EFCAB12: variants seen among roughly 807,000 people sequenced by gnomAD.
EFCAB12 encodes EF-hand calcium binding domain 12.
Under a neutral mutation model 53.6 loss-of-function variants are expected in EFCAB12, and 43 were observed. The observed-to-expected ratio is 0.80, with a 90% CI of 0.63 to 1.03. The LOEUF (loss-of-function observed/expected upper bound fraction) is 1.03. Ranked by LOEUF, EFCAB12 falls within the 50% of genes least tolerant of loss-of-function variation. The probability of loss-of-function intolerance (pLI) is 0.00; values close to 1 mark genes in which losing one functional copy is unlikely to be tolerated. For missense variants in EFCAB12, 646 were observed against 730.6 expected (o/e 0.88, Z 1.34); for synonymous variants, 269 against 289.2 (o/e 0.93, Z 0.71).
intron 1 of EFCAB12, among the ~76,000 whole-genome samples, chr3:129,426,006 C>G (rs183921816): frequency 6.6e-6 from 1 of 152,350 alleles, no homozygotes; most frequent in African/African-American, 2.4e-5. Context: ...AGAAAACACA[C>G]TTGTTCTCTC....
intron 5 of EFCAB12, among the ~76,000 whole-genome samples, chr3:129,409,431 A>T (rs1385599072): frequency 6.6e-6 from 1 of 152,206 alleles, no homozygotes; most frequent in Non-Finnish European, 1.5e-5. Context: ...CAGTAGAGTG[A>T]GACTGTCTCA....
At chr3:129,424,835 C>T (rs1350856305) in intron 1 of EFCAB12, among the ~76,000 whole-genome samples, 2 of 152,226 alleles carry the variant, frequency 1.3e-5, no homozygotes, top group Non-Finnish European at 2.9e-5. Flanking sequence ...CACCTGTTCT[C>T]AGTCCACCCA....
rs1210304424 is a variant in EFCAB12 at position 129,402,569 on chromosome 3, T to C, written c.1414A>G (p.Lys472Glu). 1.2e-6 allele frequency: 2 copies of C among 1,612,942 alleles called. No homozygotes were observed. Among genetic ancestry groups the C allele is most frequent in the East Asian group, 2.2e-5 (1 of 44,876 alleles). ...TTAAAGCGCATTTTCTTGCTTTTCT[T>C]TGGCGTTTTCCTAGTGGAGAAGAGA... ...KSKRTDKKTPKKSKKMRFKEF... is the reference protein window; with the variant it reads ...KSKRTDKKTPEKSKKMRFKEF... The change falls in exon 8 of 9, where the codon AAG becomes GAG. Residue 472 changes from lysine to glutamate, a missense_variant. Lys to Glu is a moderately conservative substitution (Grantham distance 56). Transcript: ENST00000505956.
chr3:129,420,256 C>A (rs139481419), intron 2 of EFCAB12, among the ~76,000 whole-genome samples: 6 of 152,154 alleles, frequency 3.9e-5, no homozygotes, highest in Non-Finnish European at 8.8e-5. Flanking sequence ...TGCCCAATAG[C>A]GTCCTAGGCA....
At chr3:129,425,163 C>T (rs73865440) in intron 1 of EFCAB12, among the ~76,000 whole-genome samples, 1,897 of 152,278 alleles carry the variant, frequency 0.012, 29 homozygotes, top group African/African-American at 0.043. Flanking sequence ...CACGGGAACA[C>T]AAAACCTGCT....
chr3:129,426,042 T>C (rs2072266816), intron 1 of EFCAB12, among the ~76,000 whole-genome samples: 2 of 152,240 alleles, frequency 1.3e-5, no homozygotes, highest in African/African-American at 4.8e-5. Context: ...TATAGGTGTC[T>C]GGAAACAATT....
At chr3:129,411,495 A>G (rs1375303768) in intron 4 of EFCAB12, 141 bp from the exon 5 acceptor site, 1 of 713,838 alleles carries the variant, frequency 1.4e-6, no homozygotes, top group African/African-American at 1.8e-5. Context: ...GGCAGTGCCC[A>G]CCTAAGCCAC....
At chr3:129,425,709 T>C (rs34133319) in intron 1 of EFCAB12, among the ~76,000 whole-genome samples, 2 of 152,208 alleles carry the variant, frequency 1.3e-5, no homozygotes, top group Non-Finnish European at 1.5e-5. Context: ...AAAGAGGCTG[T>C]CATTGTGTAG....
At chr3:129,410,937 G>A (rs556001633) in intron 5 of EFCAB12, among the ~76,000 whole-genome samples, 11 of 152,296 alleles carry the variant, frequency 7.2e-5, no homozygotes, top group Middle Eastern at 3.4e-3. Context: ...AGAGGGGGAC[G>A]TGATAGTTTC....
At chr3:129,415,627 C>G (rs2072106151) in intron 3 of EFCAB12, among the ~76,000 whole-genome samples, 1 of 152,208 alleles carries the variant, frequency 6.6e-6, no homozygotes, top group South Asian at 2.1e-4. Context: ...TTCCCCTTCT[C>G]TGCCTGAAAA....
chr3:129,424,897 A>T (rs931021056), intron 1 of EFCAB12, among the ~76,000 whole-genome samples: 16 of 152,108 alleles, frequency 1.1e-4, no homozygotes, highest in African/African-American at 3.6e-4. Context: ...CAGTTGGGGG[A>T]GAAATGCTGA....
rs991228185 is a variant in EFCAB12 at position 129,428,502 on chromosome 3, G to A, written c.-14C>T. 6 of 1,610,764 alleles carry A rather than the reference G, an allele frequency of 3.7e-6. No individual in the cohort carries two copies. In the African/African-American group the frequency reaches 6.7e-5, roughly 18 times the overall value. On this transcript the variant is annotated 5_prime_UTR_variant, in exon 1 of 9. Coordinates refer to ENST00000505956, the MANE Select transcript of EFCAB12 (RefSeq NM_207307.3). Reference sequence around the variant, plus strand: ...GTCGTCGTCCATGGTCGTGGTGCTGGGAGGGGGTGCTGAAGGGCGTGTGTG... The same window carrying A: ...GTCGTCGTCCATGGTCGTGGTGCTGAGAGGGGGTGCTGAAGGGCGTGTGTG...
chr3:129,407,376 T>C (rs1434869276), intron 6 of EFCAB12, among the ~76,000 whole-genome samples: 1 of 152,200 alleles, frequency 6.6e-6, no homozygotes, highest in Non-Finnish European at 1.5e-5. Context: ...CCCTATAAAT[T>C]TAGCGCTTGT....
At chr3:129,409,463 G>A (rs187003974) in intron 5 of EFCAB12, among the ~76,000 whole-genome samples, 1 of 152,086 alleles carries the variant, frequency 6.6e-6, no homozygotes, top group African/African-American at 2.4e-5. Flanking sequence ...GAAAAGAAGA[G>A]AAGAAAAGAA....
intron 1 of EFCAB12, among the ~76,000 whole-genome samples, chr3:129,427,246 T>A (rs1470667849): frequency 6.6e-6 from 1 of 152,192 alleles, no homozygotes; most frequent in East Asian, 1.9e-4. Context: ...TGCCTCAGCT[T>A]CCCATAGTGC....
Position 129,421,701 on chromosome 3 carries a change from C to T in EFCAB12, c.152G>A (p.Arg51His), listed in dbSNP as rs79535854. The T allele has an allele frequency of 1.4e-5, 23 of 1,613,328 alleles. No homozygotes were observed. The highest frequency in any genetic ancestry group is 8.0e-5 in the African/African-American group (6 of 74,878). The change falls in exon 2 of 9, where the codon CGC becomes CAC. Residue 51 changes from arginine to histidine, a missense_variant. Coordinates refer to ENST00000505956, the MANE Select transcript of EFCAB12 (RefSeq NM_207307.3). The stretch of plus-strand genomic sequence containing the variant: ...GATTCGCCGGCGGGTCTGAGGCAGG[C>T]GGAAGTCCTTCTGCTGGAACTGCTT... ...CFKQFQQKDF[R>H]LPQTRRRIIM...
intron 6 of EFCAB12, among the ~76,000 whole-genome samples, chr3:129,404,636 G>A (rs186044743): frequency 1.2e-4 from 18 of 152,102 alleles, no homozygotes; most frequent in African/African-American, 4.1e-4. Flanking sequence ...CATGCATATA[G>A]CTGTAGTGTG....
rs762909275 is a variant in EFCAB12, at chr3:129,411,266, G to A, written c.927C>T (p.Asp309=). 1 of 1,613,634 alleles carries A rather than the reference G, an allele frequency of 6.2e-7. No homozygotes were observed. The highest frequency in any genetic ancestry group is 8.5e-7 in the Non-Finnish European group (1 of 1,179,686). ...TGTCGACTGCAGGCACCGTCAGTAG[G>A]TCCACTTTGGGAAGCTGTGGGGCTG... ...VDSAPQLPKV[D]LLTVPAVDTQ... is the part of the protein sequence containing the mutation. The change falls in exon 5 of 9, where the codon GAC becomes GAT. Residue 309 remains aspartate, a synonymous_variant. Coordinates refer to ENST00000505956, the MANE Select transcript of EFCAB12 (RefSeq NM_207307.3).
In EFCAB12 at chr3:129,428,508, G is replaced by T. The variant is rs898038075; in HGVS notation, c.-20C>A. On this transcript the variant is annotated 5_prime_UTR_variant, in exon 1 of 9. Coordinates refer to ENST00000505956, the MANE Select transcript of EFCAB12 (RefSeq NM_207307.3). Reference sequence around the variant, plus strand: ...GTCCATGGTCGTGGTGCTGGGAGGGGGTGCTGAAGGGCGTGTGTGAATGTG... The same window carrying T: ...GTCCATGGTCGTGGTGCTGGGAGGGTGTGCTGAAGGGCGTGTGTGAATGTG... The T allele has an allele frequency of 6.2e-7, 1 of 1,609,664 alleles. No homozygotes were observed. Among genetic ancestry groups the T allele is most frequent in the Non-Finnish European group, 8.5e-7 (1 of 1,177,946 alleles).
Sources: allele counts gnomAD v4.1 joint callset (sites outside exome capture counted in the v4.1 genomes callset), GRCh38; gene constraint gnomAD v4.1.1; transcripts MANE v1.5; gene names NCBI Gene and HGNC (gene_info 2026-07-23, HGNC 2026-07-21).